FARSB: variants seen among roughly 807,000 people sequenced by gnomAD.
FARSB encodes the protein phenylalanyl-tRNA synthetase subunit beta, also known as phenylalanine--tRNA ligase beta subunit.
A neutral mutation model predicts 69.6 loss-of-function variants in FARSB; 40 were observed. The observed-to-expected ratio is 0.57, with a 90% CI of 0.45 to 0.75. The LOEUF (loss-of-function observed/expected upper bound fraction) is 0.75. Among genes scored for constraint, FARSB ranks in the 30% least tolerant of loss-of-function variants. The pLI is 0.00. For synonymous variants in FARSB, 235 were observed against 247.2 expected, an observed-to-expected ratio of 0.95 and a Z score of 0.46; for missense variants, 632 against 722.9, an observed-to-expected ratio of 0.87 and a Z score of 1.44.
chr2:222,639,364 G>T (rs990563938), intron 5 of FARSB, among the ~76,000 whole-genome samples: 1 of 152,116 alleles, frequency 6.6e-6, no homozygotes, highest in Non-Finnish European at 1.5e-5. Flanking sequence ...AGCAGTAAAA[G>T]GTATCTGGTA....
chr2:222,641,387 T>G (rs1210611604), intron 3 of FARSB, among the ~76,000 whole-genome samples: 1 of 152,186 alleles, frequency 6.6e-6, no homozygotes. Context: ...AGACAAAGAT[T>G]TGGTAAATGG....
chr2:222,593,696 GAAAACAAAAC>G (rs1422690035), intron 16 of FARSB, among the ~76,000 whole-genome samples: 1 of 151,620 alleles, frequency 6.6e-6, no homozygotes, highest in Non-Finnish European at 1.5e-5. Flanking sequence ...TGTCTCTAAA[GAAAACAAAAC>G]AAAACAAAAC....
chr2:222,644,086 AT>A (rs1691788577), intron 2 of FARSB, among the ~76,000 whole-genome samples: 1 of 152,246 alleles, frequency 6.6e-6, no homozygotes, highest in Non-Finnish European at 1.5e-5. Flanking sequence ...ATGGATTTCT[AT>A]CAAAATATGT....
At chr2:222,599,708 C>T (rs947924083) in intron 16 of FARSB, among the ~76,000 whole-genome samples, 4 of 152,036 alleles carry the variant, frequency 2.6e-5, no homozygotes, top group Non-Finnish European at 4.4e-5. Flanking sequence ...TCAGTTGGAA[C>T]GAAAGTATAC....
At chr2:222,620,967 G>A (rs754691426) in intron 13 of FARSB, among the ~76,000 whole-genome samples, 3 of 152,178 alleles carry the variant, frequency 2.0e-5, no homozygotes, top group African/African-American at 4.8e-5. Context: ...AACAGCTCCC[G>A]GATCTGCTAC....
intron 15 of FARSB, among the ~76,000 whole-genome samples, chr2:222,605,169 C>CTCTCTCTCTCTCTG (rs1690669712): frequency 6.6e-6 from 1 of 151,310 alleles, no homozygotes. Flanking sequence ...CTTTCTCTCT[C>CTCTCTCTCTCTCTG]TCTCTCTCTC....
chr2:222,590,156 A>C (rs2106188855), intron 16 of FARSB, among the ~76,000 whole-genome samples: 1 of 152,342 alleles, frequency 6.6e-6, no homozygotes, highest in South Asian at 2.1e-4. Flanking sequence ...AAAATGTGGC[A>C]CATATACACC....
rs1574902677 is a variant in FARSB at position 222,568,832 on chromosome 2, TC to T, written c.*3038del. On this transcript the variant is annotated 3_prime_UTR_variant, in exon 17 of 17. Transcript: ENST00000281828. The surrounding 1 kb of genome is among the most constrained non-coding windows in gnomAD (Gnocchi z 4.3). ...TCCAGCCTGGGTGACAGAGCGAGAC[TC>T]CGTCTAAAAAAACAAAAAACAAACA... 6.6e-6 allele frequency: 1 copy of T among 152,310 alleles called. No individual in the cohort carries two copies. Among genetic ancestry groups the T allele is most frequent in the East Asian group, 1.9e-4 (1 of 5,196 alleles). 9.4% of individuals were successfully genotyped at this position (152,310 alleles called of 1,614,324 possible). A position where few individuals can be genotyped will look rare whatever the true frequency, so the allele number is the denominator to read the frequency against.
intron 2 of FARSB, among the ~76,000 whole-genome samples, chr2:222,644,317 G>A (rs1447663834): frequency 6.6e-6 from 1 of 151,884 alleles, no homozygotes; most frequent in African/African-American, 2.4e-5. Flanking sequence ...CCTCTACCTT[G>A]GGCATCTCAA....
At chr2:222,628,684 G>A (rs1691337422) in intron 10 of FARSB, among the ~76,000 whole-genome samples, 153 bp downstream of exon 10, 1 of 152,130 alleles carries the variant, frequency 6.6e-6, no homozygotes, top group African/African-American at 2.4e-5. Flanking sequence ...ACAGGATTAT[G>A]GTGAAGACTA....
intron 1 of FARSB, among the ~76,000 whole-genome samples, chr2:222,654,278 C>G (rs1196800769): frequency 1.3e-5 from 2 of 152,258 alleles, no homozygotes; most frequent in South Asian, 2.1e-4. Context: ...AATTCCACAC[C>G]TGACTCCATG....
intron 1 of FARSB, among the ~76,000 whole-genome samples, chr2:222,652,117 G>T (rs1692052804): frequency 6.6e-6 from 1 of 152,124 alleles, no homozygotes; most frequent in Non-Finnish European, 1.5e-5. Context: ...CAGATAAATG[G>T]TCTCTCGAGT....
chr2:222,645,430 C>CT (rs1691825117), intron 2 of FARSB, among the ~76,000 whole-genome samples: 1 of 152,212 alleles, frequency 6.6e-6, no homozygotes, highest in Non-Finnish European at 1.5e-5. Context: ...CAAAGATGAT[C>CT]TTTCTGTAAC....
intron 16 of FARSB, among the ~76,000 whole-genome samples, chr2:222,591,917 T>C (rs1690284564): frequency 6.6e-6 from 1 of 152,194 alleles, no homozygotes; most frequent in Non-Finnish European, 1.5e-5. Flanking sequence ...CTAAATGTGT[T>C]CAAAATAAAG....
intron 2 of FARSB, among the ~76,000 whole-genome samples, chr2:222,645,268 G>C (rs1691819407): frequency 6.6e-6 from 1 of 152,158 alleles, no homozygotes; most frequent in Non-Finnish European, 1.5e-5. Flanking sequence ...GTAAATGTTA[G>C]AACTAGAACT....
At chr2:222,635,031 T>C (rs1559212493) in intron 5 of FARSB, among the ~76,000 whole-genome samples, 1 of 152,196 alleles carries the variant, frequency 6.6e-6, no homozygotes, top group Non-Finnish European at 1.5e-5. Flanking sequence ...TTAATTTTAA[T>C]TTCAACAGCT....
chr2:222,577,875 A>G (rs952913494), intron 16 of FARSB, among the ~76,000 whole-genome samples: 5 of 152,232 alleles, frequency 3.3e-5, no homozygotes, highest in Non-Finnish European at 5.9e-5. Flanking sequence ...TGCTCGGGAA[A>G]CGTTGAGATC....
intron 16 of FARSB, among the ~76,000 whole-genome samples, chr2:222,591,122 A>C (rs140098368): frequency 4.0e-5 from 6 of 151,670 alleles, no homozygotes; most frequent in African/African-American, 1.5e-4. Context: ...TGGGAGGATC[A>C]CTTTTGCCTA....
intron 16 of FARSB, among the ~76,000 whole-genome samples, chr2:222,576,290 T>C (rs914031094): frequency 6.6e-6 from 1 of 151,980 alleles, no homozygotes; most frequent in Middle Eastern, 3.2e-3. Flanking sequence ...TACTAATACA[T>C]GATGTGAGGC....
Sources: gnomAD v4.1 joint callset for allele counts (sites outside exome capture counted in the v4.1 genomes callset) on GRCh38, gnomAD v4.1.1 for gene constraint, Gnocchi (gnomAD v3.1) non-coding constraint, MANE v1.5 for transcripts, NCBI Gene and HGNC (gene_info 2026-07-23, HGNC 2026-07-21) for gene names.